ZNF609: variants seen among roughly 807,000 people sequenced by gnomAD.
ZNF609 encodes zinc finger protein 609.
ZNF609 carries 11 observed loss-of-function variants against 109.5 expected under a neutral mutation model. The ratio of observed to expected loss-of-function variants is 0.10; its 90% CI spans 0.06 to 0.17. ZNF609 has a LOEUF of 0.17. ZNF609 is among the 10% of genes least tolerant of loss of function. ZNF609 has a pLI of 1.00. For missense variants in ZNF609, 1,559 were observed against 1,772.4 expected, an observed-to-expected ratio of 0.88 and a Z score of 2.16; for synonymous variants, 646 against 662.0, an observed-to-expected ratio of 0.98 and a Z score of 0.37.
chr15:64,506,303 A>G (rs967041599), intron 2 of ZNF609, among the ~76,000 whole-genome samples: 17 of 150,956 alleles, frequency 1.1e-4, no homozygotes, highest in African/African-American at 4.1e-4. Flanking sequence ...TTGTATTTTT[A>G]GTAGAGACAG....
chr15:64,605,364 G>C (rs948831005), intron 2 of ZNF609, among the ~76,000 whole-genome samples: 2 of 152,198 alleles, frequency 1.3e-5, no homozygotes, highest in African/African-American at 4.8e-5. Flanking sequence ...TAGAAGAAGG[G>C]AGGGAAAGCA....
chr15:64,473,741 G>A (rs1440474081), intron 1 of ZNF609, among the ~76,000 whole-genome samples: 1 of 151,928 alleles, frequency 6.6e-6, no homozygotes, highest in Admixed American at 6.6e-5. Flanking sequence ...AAAGAGCTGC[G>A]ATTACAGGTG....
chr15:64,500,636 A>G (rs1893548452), intron 2 of ZNF609: 1 of 560,328 alleles, frequency 1.8e-6, no homozygotes, highest in South Asian at 2.4e-5. Context: ...TCTCTGGTAG[A>G]ACAAAGGGCT....
chr15:64,666,384 ACT>A (rs896175776), intron 3 of ZNF609, among the ~76,000 whole-genome samples: 13 of 152,164 alleles, frequency 8.5e-5, no homozygotes, highest in Non-Finnish European at 1.3e-4. Context: ...ACAGAGCGAG[ACT>A]CTGTCCAAAA....
At chr15:64,530,935 A>G (rs970264639) in intron 2 of ZNF609, among the ~76,000 whole-genome samples, 2 of 152,226 alleles carry the variant, frequency 1.3e-5, no homozygotes, top group African/African-American at 4.8e-5. Context: ...TTGGGTAGGA[A>G]AGAAAGAAGA....
intron 1 of ZNF609, among the ~76,000 whole-genome samples, chr15:64,497,416 T>C (rs1893496375): frequency 6.6e-6 from 1 of 152,168 alleles, no homozygotes; most frequent in Admixed American, 6.5e-5. Context: ...TTTGCTCTTC[T>C]ACTGTGACAT....
intron 2 of ZNF609, among the ~76,000 whole-genome samples, chr15:64,617,897 T>A (rs1198459143): frequency 6.6e-6 from 1 of 152,220 alleles, no homozygotes; most frequent in Non-Finnish European, 1.5e-5. Context: ...TTTGTTTTGT[T>A]GTTTACCTCC....
chr15:64,539,595 C>G (rs1367320811), intron 2 of ZNF609, among the ~76,000 whole-genome samples: 1 of 152,104 alleles, frequency 6.6e-6, no homozygotes, highest in Non-Finnish European at 1.5e-5. Context: ...CCTCCGACTC[C>G]CCGGTTCAAG....
rs7183447 is a variant in ZNF609, at chr15:64,577,583, G to A, written c.748-45244G>A. 5.5e-3 allele frequency among the ~76,000 whole-genome samples: 31 copies of A among 5,660 alleles called. No individual in the cohort carries two copies. In the East Asian group the frequency reaches 0.091, roughly 17 times the overall value. The allele number at this position is 5,660 out of a possible 152,430, so 3.7% of individuals were successfully genotyped here. A position where few individuals can be genotyped will look rare whatever the true frequency, so the allele number is the denominator to read the frequency against. On this transcript the variant is annotated intron_variant, in intron 2 of 9. Coordinates refer to ENST00000326648, the MANE Select transcript of ZNF609 (RefSeq NM_015042.2). ...CATATAAATATATACATATATATGTGTATATATACACATATAAATATATAC... is the reference window on the plus strand; with the variant it reads ...CATATAAATATATACATATATATGTATATATATACACATATAAATATATAC...
rs545792570 is a variant in ZNF609 at position 64,529,605 on chromosome 15, A to G, written c.747+29439A>G. 32 of 1,291,082 alleles carry G rather than the reference A, an allele frequency of 2.5e-5. No homozygotes were observed. The African/African-American group carries it at 3.6e-4, about 15-fold the overall frequency. 80.0% of individuals were successfully genotyped at this position (1,291,082 alleles called of 1,614,324 possible). ...CAATATCCACTTTACCAGAGTTAAA[A>G]GCAGTCATGGTGCACCAGGCACCCA... is the stretch of plus-strand genomic sequence containing the variant. On this transcript the variant is annotated intron_variant, in intron 2 of 9. Transcript: ENST00000326648.
chr15:64,578,220 C>G (rs564234636), intron 2 of ZNF609, among the ~76,000 whole-genome samples: 6 of 151,318 alleles, frequency 4.0e-5, no homozygotes, highest in South Asian at 4.2e-4. Flanking sequence ...TCTCAGCCCA[C>G]TGCGCCCAGC....
chr15:64,510,064 C>T (rs1314457370), intron 2 of ZNF609, among the ~76,000 whole-genome samples: 3 of 152,078 alleles, frequency 2.0e-5, no homozygotes, highest in African/African-American at 7.2e-5. Flanking sequence ...CATTATTCAC[C>T]CCATTTCATC....
intron 1 of ZNF609, among the ~76,000 whole-genome samples, chr15:64,486,047 C>T (rs1007776972): frequency 3.9e-5 from 6 of 152,130 alleles, no homozygotes; most frequent in Non-Finnish European, 8.8e-5. Flanking sequence ...TCCATCACCA[C>T]AAATGTCCCT....
intron 1 of ZNF609, among the ~76,000 whole-genome samples, chr15:64,477,216 C>T (rs1402144171): frequency 6.9e-6 from 1 of 145,800 alleles, no homozygotes; most frequent in Non-Finnish European, 1.5e-5. Context: ...TCTTGGCTCA[C>T]TGCAAGCTCT....
At chr15:64,649,065 G>A (rs1896376960) in intron 3 of ZNF609, among the ~76,000 whole-genome samples, 1 of 151,952 alleles carries the variant, frequency 6.6e-6, no homozygotes, top group African/African-American at 2.4e-5. Context: ...CTTTGGTTGG[G>A]CAAATTCTGA....
At chr15:64,563,747 C>T (rs1046967697) in intron 2 of ZNF609, among the ~76,000 whole-genome samples, 4 of 151,968 alleles carry the variant, frequency 2.6e-5, no homozygotes, top group Non-Finnish European at 4.4e-5. Flanking sequence ...TTGTTCCAGC[C>T]TGGGCAACGA....
intron 2 of ZNF609, among the ~76,000 whole-genome samples, chr15:64,514,690 G>A (rs1893781767): frequency 6.6e-6 from 1 of 151,052 alleles, no homozygotes; most frequent in Admixed American, 6.6e-5. Flanking sequence ...CCAGGCTAGA[G>A]TGCAGTGGCG....
intron 1 of ZNF609, among the ~76,000 whole-genome samples, chr15:64,487,443 A>C (rs1252585290): frequency 6.6e-6 from 1 of 152,190 alleles, no homozygotes; most frequent in Non-Finnish European, 1.5e-5. Context: ...TGCACAACTC[A>C]GTTTTTCCAT....
chr15:64,678,333 G>A lies in ZNF609; in HGVS notation c.3620G>A (p.Arg1207Gln), dbSNP rs769413393. The A allele has an allele frequency of 3.7e-5, 60 of 1,613,946 alleles. No individual in the cohort carries two copies. The highest frequency in any genetic ancestry group is 4.6e-5 in the Non-Finnish European group (54 of 1,180,018). Reference sequence around the variant, plus strand: ...TCTCGCCTTGGGAGCAAGGAGCCCCGGCCAAGTGTCCATGTGCCTGTGTCC... The same window carrying A: ...TCTCGCCTTGGGAGCAAGGAGCCCCAGCCAAGTGTCCATGTGCCTGTGTCC... ...EESRLGSKEP[R>Q]PSVHVPVSSP... is the part of the protein sequence containing the mutation. The change falls in exon 6 of 10, where the codon CGG becomes CAG. Residue 1207 changes from arginine (R) to glutamine (Q), a missense_variant. Physicochemically the swap from Arg to Gln is conservative, Grantham distance 43 (BLOSUM62 1). Transcript: ENST00000326648.
Sources: allele counts gnomAD v4.1 joint callset (sites outside exome capture counted in the v4.1 genomes callset), GRCh38; gene constraint gnomAD v4.1.1; transcripts MANE v1.5; gene names NCBI Gene and HGNC (gene_info 2026-07-23, HGNC 2026-07-21).